Variants in CYP4B1 observed in about 807,000 individuals in gnomAD.
CYP4B1 encodes cytochrome P450 family 4 subfamily B member 1.
CYP4B1 carries 45 observed loss-of-function variants against 54.0 expected under a neutral mutation model. The ratio of observed to expected loss-of-function variants is 0.83; its 90% CI spans 0.66 to 1.07. CYP4B1 has a LOEUF of 1.07. CYP4B1 is among the 50% of genes least tolerant of loss of function. The pLI is 0.00. For missense variants in CYP4B1, 656 were observed against 655.4 expected, an observed-to-expected ratio of 1.00 and a Z score of -0.01; for synonymous variants, 248 against 247.5, an observed-to-expected ratio of 1.00 and a Z score of -0.02.
At position 46,817,119 on chromosome 1, in the gene CYP4B1, C is replaced by T. The variant is rs751401677; in HGVS notation, c.1145C>T (p.Pro382Leu). Residue 382 changes from proline to leucine, a missense_variant, in exon 9 of 12, where the codon CCC becomes CTC. Transcript: ENST00000371923. ...KESFRLYPPVPQVYRQLSKPV... is the reference protein window; with the variant it reads ...KESFRLYPPVLQVYRQLSKPV... ...AGCTTCCGCCTCTACCCACCTGTGC[C>T]CCAGGTGTACCGCCAGCTCAGCAAG... is the stretch of plus-strand genomic sequence containing the variant. 3 of 1,614,174 alleles carry T rather than the reference C, an allele frequency of 1.9e-6. No individual in the cohort carries two copies. Among genetic ancestry groups the T allele is most frequent in the Non-Finnish European group, 2.5e-6 (3 of 1,180,020 alleles).
chr1:46,807,245 A>G (rs2148400250), intron 1 of CYP4B1, among the ~76,000 whole-genome samples: 1 of 152,316 alleles, frequency 6.6e-6, no homozygotes, highest in African/African-American at 2.4e-5. Flanking sequence ...TGTGGTCAGC[A>G]TGAGACCAGG....
chr1:46,811,611 T>C (rs1057043997), intron 3 of CYP4B1, among the ~76,000 whole-genome samples: 3 of 152,284 alleles, frequency 2.0e-5, no homozygotes, highest in Non-Finnish European at 4.4e-5. Context: ...TTGGAGATGA[T>C]GCTGGGCAGG....
rs1044147460 is a variant in CYP4B1 at position 46,818,934 on chromosome 1, G to A, written c.*120G>A. 8.3e-6 allele frequency: 7 copies of A among 844,358 alleles called. No individual in the cohort carries two copies. The highest frequency in any genetic ancestry group is 1.7e-5 in the African/African-American group (1 of 58,880). The allele number at this position is 844,358 out of a possible 1,614,324, so 52.3% of individuals were successfully genotyped here. ...CTTCAGGAGGCTTGTAGTTTAGAAGGGAAGTAGGCATTACCATAGACGACT... is the reference window on the plus strand; with the variant it reads ...CTTCAGGAGGCTTGTAGTTTAGAAGAGAAGTAGGCATTACCATAGACGACT... On this transcript the variant is annotated 3_prime_UTR_variant, in exon 12 of 12. Transcript: ENST00000371923.
chr1:46,805,164 G>T (rs1397195919), intron 1 of CYP4B1, among the ~76,000 whole-genome samples: 1 of 152,230 alleles, frequency 6.6e-6, no homozygotes, highest in African/African-American at 2.4e-5. Context: ...GAGGACAGAT[G>T]ACTGCATCCC....
At chr1:46,815,447 G>A (rs1679300799) in intron 8 of CYP4B1, 183 bp downstream of exon 8, 1 of 480,506 alleles carries the variant, frequency 2.1e-6, no homozygotes. Context: ...ATGCACCCCT[G>A]AGCCCATTCT....
chr1:46,817,449 A>G lies in CYP4B1; in HGVS notation c.1207+268A>G, dbSNP rs55948100. The stretch of plus-strand genomic sequence containing the variant: ...AAAGAGAATGTTCACCAAGGCTGCC[A>G]TGTACCACCATGCAGGTCATGCCCT... On this transcript the variant is annotated intron_variant, in intron 9 of 11. Transcript: ENST00000371923. 1.3e-4 allele frequency: 68 copies of G among 511,158 alleles called. 1 individual carries two copies. In the East Asian group the frequency reaches 2.4e-3, roughly 18 times the overall value. The allele number at this position is 511,158 out of a possible 1,614,324, so 31.7% of individuals were successfully genotyped here. A position where few individuals can be genotyped will look rare whatever the true frequency, so the allele number is the denominator to read the frequency against.
intron 5 of CYP4B1, 146 bp from the exon 6 acceptor site, chr1:46,813,763 C>T: frequency 7.0e-7 from 1 of 1,423,422 alleles, no homozygotes; most frequent in South Asian, 1.3e-5. Context: ...GTGGGGTAAA[C>T]ACCTGGCTTT....
intron 1 of CYP4B1, among the ~76,000 whole-genome samples, chr1:46,807,604 A>G (rs1678912207): frequency 6.6e-6 from 1 of 152,194 alleles, no homozygotes; most frequent in Admixed American, 6.5e-5. Context: ...GTGGGTGGAG[A>G]TGATTTTTAT....
chr1:46,811,504 C>T, intron 3 of CYP4B1, among the ~76,000 whole-genome samples: 1 of 152,138 alleles, frequency 6.6e-6, no homozygotes, highest in Non-Finnish European at 1.5e-5. Context: ...GTAGTGCTGG[C>T]CAGGGCAAGG....
intron 8 of CYP4B1, among the ~76,000 whole-genome samples, chr1:46,815,861 C>T (rs1296506440): frequency 6.6e-6 from 1 of 152,182 alleles, no homozygotes; most frequent in African/African-American, 2.4e-5. Flanking sequence ...CAAGAGGCTC[C>T]TTCACCCTTG....
chr1:46,812,157 C>T, intron 3 of CYP4B1: 1 of 483,894 alleles, frequency 2.1e-6, no homozygotes, highest in South Asian at 1.5e-5. Context: ...CAGGCTCCCC[C>T]TCTGCTTGGC....
At chr1:46,816,799 T>G (rs899122378) in intron 8 of CYP4B1, among the ~76,000 whole-genome samples, 2 of 152,130 alleles carry the variant, frequency 1.3e-5, no homozygotes, top group Non-Finnish European at 2.9e-5. Context: ...CCTTCATCTC[T>G]AGGGTCCTGT....
At chr1:46,806,302 GAA>G (rs1442090206) in intron 1 of CYP4B1, among the ~76,000 whole-genome samples, 1 of 152,096 alleles carries the variant, frequency 6.6e-6, no homozygotes, top group African/African-American at 2.4e-5. Flanking sequence ...TTTGTTTTTC[GAA>G]ACTCTTATCC....
intron 5 of CYP4B1, 90 bp downstream of exon 5, chr1:46,813,696 G>A (rs1679207686): frequency 6.4e-7 from 1 of 1,568,332 alleles, no homozygotes. Flanking sequence ...GATCTGAGAA[G>A]AGATAGGGTC....
chr1:46,813,730 C>A (rs768469079), intron 5 of CYP4B1, 124 bp downstream of exon 5: 9 of 1,473,068 alleles, frequency 6.1e-6, no homozygotes, highest in Non-Finnish European at 7.4e-6. Context: ...CCTTAGCTTG[C>A]GGGGAGACAG....
chr1:46,810,682 G>A (rs1036115347), intron 1 of CYP4B1, 126 bp from the exon 2 acceptor site: 5 of 896,284 alleles, frequency 5.6e-6, no homozygotes, highest in Non-Finnish European at 8.9e-6. Flanking sequence ...AGAAGAGGGT[G>A]CAGGAGAGGT....
chr1:46,804,265 G>C (rs1397403803), intron 1 of CYP4B1, among the ~76,000 whole-genome samples: 1 of 152,054 alleles, frequency 6.6e-6, no homozygotes, highest in Non-Finnish European at 1.5e-5. Context: ...GCGCCAGGGA[G>C]GGTGCTGGAT....
intron 1 of CYP4B1, among the ~76,000 whole-genome samples, chr1:46,806,366 G>A (rs1444354450): frequency 6.6e-6 from 1 of 152,222 alleles, no homozygotes; most frequent in African/African-American, 2.4e-5. Flanking sequence ...CTGGGGCACT[G>A]TAGCTGCAGC....
chr1:46,805,894 G>T (rs927707373), intron 1 of CYP4B1, among the ~76,000 whole-genome samples: 4 of 152,132 alleles, frequency 2.6e-5, no homozygotes, highest in Non-Finnish European at 5.9e-5. Context: ...GCTGAGACTA[G>T]GGCACCAAAG....
Sources: gnomAD v4.1 joint callset for allele counts (sites outside exome capture counted in the v4.1 genomes callset) on GRCh38, gnomAD v4.1.1 for gene constraint, MANE v1.5 for transcripts, NCBI Gene and HGNC (gene_info 2026-07-23, HGNC 2026-07-21) for gene names.